The following CA10 variants were observed in gnomAD, a reference collection of about 807,000 sequenced individuals.
CA10 encodes carbonic anhydrase-related protein 10.
A neutral mutation model predicts 44.2 loss-of-function variants in CA10; 14 were observed. That is an observed-to-expected ratio of 0.32 (90% CI 0.21 to 0.50). The LOEUF (loss-of-function observed/expected upper bound fraction) is 0.50. Among genes scored for constraint, CA10 ranks in the 20% least tolerant of loss-of-function variants. CA10 has a pLI of 0.99. For missense variants in CA10, 350 were observed against 409.7 expected, an observed-to-expected ratio of 0.85 and a Z score of 1.26; for synonymous variants, 159 against 141.6, an observed-to-expected ratio of 1.12 and a Z score of -0.87.
chr17:51,771,714 A>C (rs954741081), intron 3 of CA10, among the ~76,000 whole-genome samples: 3 of 152,212 alleles, frequency 2.0e-5, no homozygotes, highest in African/African-American at 7.2e-5. Flanking sequence ...TGACTTAGCA[A>C]GCACTGATTG....
chr17:51,849,246 T>A (rs9905063), intron 3 of CA10, among the ~76,000 whole-genome samples: 1 of 130,564 alleles, frequency 7.7e-6, no homozygotes, highest in Non-Finnish European at 1.6e-5. Context: ...TATATATATA[T>A]ATATATATAT....
intron 2 of CA10, among the ~76,000 whole-genome samples, chr17:52,008,458 A>G (rs567210442): frequency 3.6e-4 from 55 of 151,910 alleles, no homozygotes; most frequent in African/African-American, 1.2e-3. Flanking sequence ...TTTTGGAGGG[A>G]ACAGCATAGG....
chr17:51,700,391 A>G (rs2143456934), intron 4 of CA10, among the ~76,000 whole-genome samples: 1 of 151,924 alleles, frequency 6.6e-6, no homozygotes, highest in South Asian at 2.1e-4. Flanking sequence ...GGCTGACAAG[A>G]CCCCTGGGTT....
At chr17:51,812,109 G>T (rs923125050) in intron 3 of CA10, among the ~76,000 whole-genome samples, 2 of 152,138 alleles carry the variant, frequency 1.3e-5, no homozygotes, top group East Asian at 1.9e-4. Context: ...CCGCTAAAAG[G>T]TTGCTGCAGT....
intron 1 of CA10, among the ~76,000 whole-genome samples, chr17:52,152,068 T>G (rs1989713529): frequency 6.6e-6 from 1 of 152,072 alleles, no homozygotes; most frequent in African/African-American, 2.4e-5. Context: ...GTTTTACAGA[T>G]GAGCAAGCTG....
At chr17:51,969,199 T>C (rs1466663926) in intron 2 of CA10, among the ~76,000 whole-genome samples, 1 of 152,078 alleles carries the variant, frequency 6.6e-6, no homozygotes, top group East Asian at 1.9e-4. Context: ...CCCACCACGA[T>C]GAACTAATTA....
chr17:51,680,293 A>C (rs1267902851), intron 4 of CA10, among the ~76,000 whole-genome samples: 1 of 152,198 alleles, frequency 6.6e-6, no homozygotes, highest in African/African-American at 2.4e-5. Flanking sequence ...CTTGGAAATA[A>C]GGAAAGCAGG....
chr17:51,822,943 G>A (rs1249863952), intron 3 of CA10, among the ~76,000 whole-genome samples: 1 of 152,156 alleles, frequency 6.6e-6, no homozygotes, highest in Non-Finnish European at 1.5e-5. Context: ...GCCTAAGGAG[G>A]AGACACAGCC....
At chr17:52,046,048 T>G (rs1383964690) in intron 2 of CA10, among the ~76,000 whole-genome samples, 1 of 151,928 alleles carries the variant, frequency 6.6e-6, no homozygotes, top group East Asian at 1.9e-4. Context: ...AAATCACACA[T>G]ACTAAGATTT....
intron 3 of CA10, among the ~76,000 whole-genome samples, chr17:51,923,611 A>G (rs1001320261): frequency 3.3e-5 from 5 of 152,216 alleles, no homozygotes; most frequent in Admixed American, 2.6e-4. Context: ...CAATGTGGAC[A>G]TGCCGTGAAT....
intron 2 of CA10, among the ~76,000 whole-genome samples, chr17:51,964,949 G>A (rs1005015749): frequency 1.2e-4 from 18 of 151,592 alleles, no homozygotes; most frequent in African/African-American, 4.4e-4. Context: ...TCCATACAAA[G>A]GGTCAACAAA....
chr17:51,882,962 G>A (rs1470160226), intron 3 of CA10, among the ~76,000 whole-genome samples: 1 of 151,750 alleles, frequency 6.6e-6, no homozygotes, highest in Non-Finnish European at 1.5e-5. Flanking sequence ...GTACATCTTG[G>A]GTAAGGTACT....
chr17:51,952,345 G>A (rs886970696), intron 2 of CA10, among the ~76,000 whole-genome samples: 1 of 152,060 alleles, frequency 6.6e-6, no homozygotes, highest in Non-Finnish European at 1.5e-5. Flanking sequence ...CTTTTTCCAA[G>A]TGAGGTTATA....
At chr17:52,004,464 C>T (rs1233855335) in intron 2 of CA10, among the ~76,000 whole-genome samples, 1 of 151,852 alleles carries the variant, frequency 6.6e-6, no homozygotes, top group Non-Finnish European at 1.5e-5. Flanking sequence ...TTGCTCATTC[C>T]ACCAAAACTG....
intron 3 of CA10, among the ~76,000 whole-genome samples, chr17:51,795,189 G>A (rs116646197): frequency 2.6e-5 from 4 of 152,294 alleles, no homozygotes; most frequent in African/African-American, 9.6e-5. Context: ...TATTTTCTTA[G>A]ATCTCATTTC....
chr17:51,647,797 T>C (rs1028541285), intron 6 of CA10, among the ~76,000 whole-genome samples: 4 of 152,224 alleles, frequency 2.6e-5, no homozygotes, highest in Non-Finnish European at 4.4e-5. Context: ...AAGACAGAAA[T>C]ATCTCCCTTA....
intron 2 of CA10, among the ~76,000 whole-genome samples, chr17:52,021,289 T>G (rs1986132500): frequency 6.6e-6 from 1 of 152,092 alleles, no homozygotes; most frequent in Admixed American, 6.6e-5. Context: ...GGTTTCTTTT[T>G]GGGAAAAATG....
intron 3 of CA10, among the ~76,000 whole-genome samples, chr17:51,799,111 A>C (rs143050881): frequency 6.6e-6 from 1 of 152,318 alleles, no homozygotes; most frequent in Non-Finnish European, 1.5e-5. Flanking sequence ...GCAACACAGC[A>C]AAGTACCACT....
intron 2 of CA10, among the ~76,000 whole-genome samples, chr17:51,977,230 A>G (rs1274975740): frequency 6.6e-6 from 1 of 151,968 alleles, no homozygotes; most frequent in Non-Finnish European, 1.5e-5. Context: ...CAAAGGGGAA[A>G]AAAACCCCTC....
Sources: gnomAD v4.1 joint callset for allele counts (sites outside exome capture counted in the v4.1 genomes callset) on GRCh38, gnomAD v4.1.1 for gene constraint, MANE v1.5 for transcripts, NCBI Gene and HGNC (gene_info 2026-07-23, HGNC 2026-07-21) for gene names.